Variants in HS3ST5 observed in about 807,000 individuals in gnomAD.
The protein encoded by HS3ST5 is heparan sulfate glucosamine 3-O-sulfotransferase 5.
In HS3ST5, 10 loss-of-function variants were observed where a neutral mutation model predicts 25.4. That is an observed-to-expected ratio of 0.39 (90% CI 0.24 to 0.67). The LOEUF (loss-of-function observed/expected upper bound fraction) is 0.67. Among genes scored for constraint, HS3ST5 ranks in the 30% least tolerant of loss-of-function variants. HS3ST5 has a pLI of 0.44. For missense variants in HS3ST5, 324 were observed against 420.7 expected (o/e 0.77, Z 2.01); for synonymous variants, 170 against 162.4 (o/e 1.05, Z -0.36).
intron 3 of HS3ST5, among the ~76,000 whole-genome samples, chr6:114,069,514 G>T (rs988906801): frequency 2.3e-4 from 34 of 146,134 alleles, no homozygotes; most frequent in African/African-American, 8.6e-4. Flanking sequence ...TTACATGGGA[G>T]AATTTTTTTT....
At chr6:114,224,774 C>T (rs1401370684) in intron 2 of HS3ST5, among the ~76,000 whole-genome samples, 4 of 151,224 alleles carry the variant, frequency 2.6e-5, no homozygotes, top group Non-Finnish European at 5.9e-5. Context: ...TTTAGTTTTA[C>T]ATTGTCAGGA....
chr6:114,149,035 C>T (rs150079770), intron 3 of HS3ST5, among the ~76,000 whole-genome samples: 251 of 152,256 alleles, frequency 1.6e-3, no homozygotes, highest in African/African-American at 5.7e-3. Context: ...AGTGAGATAC[C>T]ATCTCACACC....
intron 3 of HS3ST5, among the ~76,000 whole-genome samples, chr6:114,089,623 A>T (rs1242926050): frequency 6.6e-6 from 1 of 152,232 alleles, no homozygotes; most frequent in Non-Finnish European, 1.5e-5. Flanking sequence ...TAAACTGATC[A>T]AACGTCACAT....
intron 3 of HS3ST5, among the ~76,000 whole-genome samples, chr6:114,128,905 T>C (rs1278581193): frequency 6.6e-6 from 1 of 152,188 alleles, no homozygotes; most frequent in Non-Finnish European, 1.5e-5. Flanking sequence ...GAAGAAAAAC[T>C]GCTGCTAAGG....
intron 3 of HS3ST5, among the ~76,000 whole-genome samples, chr6:114,096,559 A>G (rs907085201): frequency 6.6e-6 from 1 of 152,114 alleles, no homozygotes; most frequent in African/African-American, 2.4e-5. Flanking sequence ...ACCAGAGATG[A>G]TGTTATTATT....
chr6:114,242,698 A>T (rs1772187126), intron 1 of HS3ST5, among the ~76,000 whole-genome samples: 1 of 151,966 alleles, frequency 6.6e-6, no homozygotes, highest in African/African-American at 2.4e-5. Context: ...CTAAAAATAC[A>T]AAAAATTAGC....
At chr6:114,320,031 T>C (rs1440213194) in intron 1 of HS3ST5, among the ~76,000 whole-genome samples, 1 of 152,068 alleles carries the variant, frequency 6.6e-6, no homozygotes, top group Non-Finnish European at 1.5e-5. Flanking sequence ...ATAATAATAA[T>C]AATAATAACT....
chr6:114,287,811 A>G (rs975012664), intron 1 of HS3ST5, among the ~76,000 whole-genome samples: 7 of 152,024 alleles, frequency 4.6e-5, no homozygotes, highest in Non-Finnish European at 7.4e-5. Context: ...AAATTGTCCA[A>G]TGCTGGCTAT....
chr6:114,109,837 T>C (rs1776181804), intron 3 of HS3ST5, among the ~76,000 whole-genome samples: 3 of 152,238 alleles, frequency 2.0e-5, no homozygotes, highest in African/African-American at 7.2e-5. Context: ...TATGCAAGCA[T>C]TGTGTTAGCT....
chr6:114,101,922 C>G (rs1255868492), intron 3 of HS3ST5, among the ~76,000 whole-genome samples: 1 of 152,130 alleles, frequency 6.6e-6, no homozygotes. Flanking sequence ...ACATGGAGGT[C>G]ATTATCCTAA....
chr6:114,057,344 G>T lies in HS3ST5; in HGVS notation c.954C>A (p.Pro318=). ...ATTTGCGCAATTTAGTAATGACAGA[G>T]GGGTCCACCTCTGGATGAATGCGCC... ...SKGRIHPEVD[P]SVITKLRKFF... Residue 318 remains proline, a synonymous_variant, in exon 5 of 5, where the codon CCC becomes CCA. Coordinates refer to ENST00000312719, the MANE Select transcript of HS3ST5 (RefSeq NM_153612.4). 1 of 1,614,080 alleles carries T rather than the reference G, an allele frequency of 6.2e-7. No homozygotes were observed. The highest frequency in any genetic ancestry group is 1.7e-5 in the Admixed American group (1 of 60,020).
At chr6:114,177,782 G>A (rs1779791236) in intron 2 of HS3ST5, among the ~76,000 whole-genome samples, 1 of 152,102 alleles carries the variant, frequency 6.6e-6, no homozygotes, top group African/African-American at 2.4e-5. Flanking sequence ...ACTTATAAAT[G>A]TACATGAAAA....
chr6:114,131,793 CTCTG>C (rs1777348305), intron 3 of HS3ST5, among the ~76,000 whole-genome samples: 1 of 152,126 alleles, frequency 6.6e-6, no homozygotes, highest in Non-Finnish European at 1.5e-5. Flanking sequence ...TTCTGTACCT[CTCTG>C]TCTGATTAGT....
intron 3 of HS3ST5, among the ~76,000 whole-genome samples, chr6:114,166,730 C>A (rs185124152): frequency 5.3e-5 from 8 of 151,982 alleles, no homozygotes; most frequent in African/African-American, 1.9e-4. Flanking sequence ...TTTAAAATAC[C>A]CTAGGGTAGG....
chr6:114,108,007 G>T (rs1855625), intron 3 of HS3ST5, among the ~76,000 whole-genome samples: 104,300 of 151,946 alleles, frequency 0.69, 36,158 homozygotes, highest in Admixed American at 0.76. Context: ...AAAATTCATA[G>T]GGAAATTCAC....
intron 1 of HS3ST5, among the ~76,000 whole-genome samples, chr6:114,309,362 C>G (rs1325265264): frequency 2.0e-5 from 3 of 152,202 alleles, no homozygotes; most frequent in African/African-American, 7.2e-5. Flanking sequence ...ACACATCCAC[C>G]TATTTCTAAA....
chr6:114,072,782 G>GA (rs1191960056), intron 3 of HS3ST5, among the ~76,000 whole-genome samples: 4 of 151,930 alleles, frequency 2.6e-5, no homozygotes, highest in Non-Finnish European at 4.4e-5. Context: ...CACAGAATTG[G>GA]AAAAAAACTA....
chr6:114,256,038 A>G (rs1232044469), intron 1 of HS3ST5, among the ~76,000 whole-genome samples: 1 of 151,992 alleles, frequency 6.6e-6, no homozygotes, highest in East Asian at 1.9e-4. Flanking sequence ...ATTTTTCTAA[A>G]CTTTTATGCT....
chr6:114,230,988 A>G (rs1018876074), intron 1 of HS3ST5, among the ~76,000 whole-genome samples: 2 of 152,028 alleles, frequency 1.3e-5, no homozygotes, highest in African/African-American at 4.8e-5. Flanking sequence ...TGTAGTTTGT[A>G]TATTTGTTCC....
Sources: allele counts gnomAD v4.1 joint callset (sites outside exome capture counted in the v4.1 genomes callset), GRCh38; gene constraint gnomAD v4.1.1; transcripts MANE v1.5; gene names NCBI Gene and HGNC (gene_info 2026-07-23, HGNC 2026-07-21).